BTBD10: variants seen among roughly 807,000 people sequenced by gnomAD.
BTBD10 encodes the protein BTB/POZ domain-containing protein 10.
A neutral mutation model predicts 53.2 loss-of-function variants in BTBD10; 21 were observed. That is an observed-to-expected ratio of 0.39 (90% CI 0.28 to 0.57). The LOEUF (loss-of-function observed/expected upper bound fraction) is 0.57. Ranked by LOEUF, BTBD10 falls within the 20% of genes least tolerant of loss-of-function variation. The pLI is 0.53. For missense variants in BTBD10, 360 were observed against 594.7 expected (o/e 0.61, Z 4.10); for synonymous variants, 149 against 192.7 (o/e 0.77, Z 1.88).
intron 1 of BTBD10, among the ~76,000 whole-genome samples, chr11:13,458,515 T>C (rs1192107184): frequency 6.6e-6 from 1 of 152,186 alleles, no homozygotes; most frequent in African/African-American, 2.4e-5. Context: ...ATCAGGAAAC[T>C]TGTGGATTTG....
chr11:13,396,946 A>C (rs1949567410), intron 8 of BTBD10, among the ~76,000 whole-genome samples: 1 of 152,116 alleles, frequency 6.6e-6, no homozygotes, highest in Non-Finnish European at 1.5e-5. Context: ...GGTTTGCCAG[A>C]ATTTTATTGA....
At chr11:13,440,060 T>C (rs1485796198) in intron 2 of BTBD10, 5 of 1,529,868 alleles carry the variant, frequency 3.3e-6, no homozygotes, top group Non-Finnish European at 4.4e-6. Context: ...AAGATTCCTC[T>C]GAACAATCAG....
chr11:13,392,561 A>G (rs919527492), intron 8 of BTBD10, among the ~76,000 whole-genome samples: 1 of 147,704 alleles, frequency 6.8e-6, no homozygotes, highest in African/African-American at 2.5e-5. Flanking sequence ...AGAAGCTCAG[A>G]TTTTTTTTTT....
intron 2 of BTBD10, among the ~76,000 whole-genome samples, chr11:13,430,468 T>G (rs535015545): frequency 9.8e-5 from 15 of 152,318 alleles, no homozygotes; most frequent in African/African-American, 3.4e-4. Context: ...GGAGAAGAGA[T>G]TGTTTCTTAA....
intron 2 of BTBD10, among the ~76,000 whole-genome samples, chr11:13,428,612 T>G (rs1950391174): frequency 6.6e-6 from 1 of 152,036 alleles, no homozygotes; most frequent in Non-Finnish European, 1.5e-5. Context: ...ACCACAAATC[T>G]TAGAACACAA....
intron 2 of BTBD10, among the ~76,000 whole-genome samples, chr11:13,441,929 C>G (rs951112850): frequency 1.3e-5 from 2 of 152,142 alleles, no homozygotes; most frequent in Non-Finnish European, 2.9e-5. Context: ...AAGCAGATAT[C>G]TGCTGGAAAT....
intron 2 of BTBD10, among the ~76,000 whole-genome samples, chr11:13,427,320 T>C (rs1260780934): frequency 6.6e-6 from 1 of 152,112 alleles, no homozygotes; most frequent in Non-Finnish European, 1.5e-5. Flanking sequence ...TAGCACTAGT[T>C]CAAAGAAAGC....
At chr11:13,432,954 A>T (rs1378949252) in intron 2 of BTBD10, among the ~76,000 whole-genome samples, 1 of 152,178 alleles carries the variant, frequency 6.6e-6, no homozygotes, top group African/African-American at 2.4e-5. Context: ...GAAGTAGCTG[A>T]TATAAGTAGC....
chr11:13,397,273 A>G (rs1949578959), intron 8 of BTBD10, among the ~76,000 whole-genome samples: 2 of 151,924 alleles, frequency 1.3e-5, no homozygotes, highest in African/African-American at 2.4e-5. Context: ...GTCTTGGGAG[A>G]GTGTATGTGT....
intron 8 of BTBD10, among the ~76,000 whole-genome samples, chr11:13,399,854 G>A (rs572205568): frequency 6.6e-6 from 1 of 152,290 alleles, no homozygotes; most frequent in East Asian, 1.9e-4. Flanking sequence ...AGTGCCTACA[G>A]AACAGCAGAT....
At chr11:13,432,315 T>A (rs1050027541) in intron 2 of BTBD10, among the ~76,000 whole-genome samples, 11 of 151,966 alleles carry the variant, frequency 7.2e-5, no homozygotes, top group African/African-American at 2.7e-4. Context: ...ATACATACAA[T>A]AAAATATCAC....
At chr11:13,393,678 G>C (rs991455478) in intron 8 of BTBD10, among the ~76,000 whole-genome samples, 1 of 152,066 alleles carries the variant, frequency 6.6e-6, no homozygotes, top group Non-Finnish European at 1.5e-5. Flanking sequence ...GTTAGTTACC[G>C]TCCTGCCAAA....
intron 2 of BTBD10, among the ~76,000 whole-genome samples, chr11:13,436,800 GAGAA>G (rs1279907581): frequency 2.0e-5 from 3 of 150,286 alleles, no homozygotes; most frequent in Non-Finnish European, 4.4e-5. Context: ...GTTTTTTTTT[GAGAA>G]AGAGTCTCAC....
At chr11:13,441,562 C>A (rs999785186) in intron 2 of BTBD10, among the ~76,000 whole-genome samples, 12 of 152,010 alleles carry the variant, frequency 7.9e-5, no homozygotes, top group Non-Finnish European at 1.8e-4. Context: ...ACTCTCAAAC[C>A]TTAATGGTAA....
chr11:13,459,906 A>C (rs1424764899), intron 1 of BTBD10, among the ~76,000 whole-genome samples: 1 of 152,250 alleles, frequency 6.6e-6, no homozygotes, highest in East Asian at 1.9e-4. Context: ...ATTTCCAAAA[A>C]AGAACTTCCT....
chr11:13,411,578 T>C (rs1471053442), intron 6 of BTBD10, among the ~76,000 whole-genome samples: 1 of 152,170 alleles, frequency 6.6e-6, no homozygotes, highest in Non-Finnish European at 1.5e-5. Context: ...ATGTTACACA[T>C]ATTTTACATA....
intron 2 of BTBD10, among the ~76,000 whole-genome samples, chr11:13,434,148 T>A (rs1334423262): frequency 2.6e-5 from 4 of 152,164 alleles, no homozygotes. Context: ...AAAAATAGTT[T>A]TAATACTATT....
intron 8 of BTBD10, among the ~76,000 whole-genome samples, chr11:13,397,777 G>T (rs975444347): frequency 6.6e-6 from 1 of 152,124 alleles, no homozygotes; most frequent in Admixed American, 6.6e-5. Context: ...ACAGCTTTAT[G>T]TCTGCCTTCA....
intron 1 of BTBD10, among the ~76,000 whole-genome samples, chr11:13,456,240 C>G (rs765330371): frequency 2.0e-5 from 3 of 151,900 alleles, no homozygotes; most frequent in Non-Finnish European, 4.4e-5. Flanking sequence ...ATAGACAAAC[C>G]AACCAATAGA....
Sources: allele counts gnomAD v4.1 joint callset (sites outside exome capture counted in the v4.1 genomes callset), GRCh38; gene constraint gnomAD v4.1.1; transcripts MANE v1.5; gene names NCBI Gene and HGNC (gene_info 2026-07-23, HGNC 2026-07-21).